TMEM132B: variants seen among roughly 807,000 people sequenced by gnomAD.
TMEM132B encodes transmembrane protein 132B.
In TMEM132B, 18 loss-of-function variants were observed where a neutral mutation model predicts 90.8. That is an observed-to-expected ratio of 0.20 (90% CI 0.14 to 0.29). The LOEUF (loss-of-function observed/expected upper bound fraction) is 0.29, where lower values mean the gene tolerates loss of function less well. Ranked by LOEUF, TMEM132B falls within the 10% of genes least tolerant of loss-of-function variation. The pLI is 1.00. For synonymous variants in TMEM132B, 504 were observed against 523.3 expected, an observed-to-expected ratio of 0.96 and a Z score of 0.50; for missense variants, 1,096 against 1,326.8, an observed-to-expected ratio of 0.83 and a Z score of 2.70.
At chr12:125,271,809 C>T (rs9739915) in intron 1 of TMEM132B, among the ~76,000 whole-genome samples, 24,209 of 151,540 alleles carry the variant, frequency 0.16, 2,500 homozygotes, top group African/African-American at 0.29. Flanking sequence ...ATATATTTGA[C>T]CATATCTACA....
At chr12:125,235,171 C>G (rs1182561516) in intron 1 of TMEM132B, among the ~76,000 whole-genome samples, 3 of 152,184 alleles carry the variant, frequency 2.0e-5, no homozygotes, top group Non-Finnish European at 4.4e-5. Flanking sequence ...GCATTTCTCA[C>G]CTTTACAATT....
chr12:125,496,601 C>T (rs898750245), intron 3 of TMEM132B, among the ~76,000 whole-genome samples: 13 of 152,082 alleles, frequency 8.5e-5, no homozygotes, highest in African/African-American at 3.1e-4. Context: ...GGGGGCAACC[C>T]AGGAGGCAAA....
chr12:125,391,915 C>T (rs190464922), intron 2 of TMEM132B, among the ~76,000 whole-genome samples: 4 of 151,920 alleles, frequency 2.6e-5, no homozygotes, highest in African/African-American at 9.7e-5. Context: ...TACAGGCACA[C>T]ACCACCACAC....
At chr12:125,457,352 T>C (rs11058181) in intron 3 of TMEM132B, among the ~76,000 whole-genome samples, 5,570 of 152,274 alleles carry the variant, frequency 0.037, 167 homozygotes, top group Admixed American at 0.1. Context: ...TAGCTCCTAA[T>C]TGGGGTGGAG....
chr12:125,511,776 C>T (rs112052555), intron 3 of TMEM132B, among the ~76,000 whole-genome samples: 1,775 of 148,062 alleles, frequency 0.012, 11 homozygotes, highest in Middle Eastern at 0.035. Flanking sequence ...GGCGTGAACC[C>T]GGGAGGCGGA....
At chr12:125,552,101 C>T (rs1022286636) in intron 4 of TMEM132B, among the ~76,000 whole-genome samples, 1 of 152,160 alleles carries the variant, frequency 6.6e-6, no homozygotes, top group Non-Finnish European at 1.5e-5. Flanking sequence ...TACTCAAGCT[C>T]ATTTAAAACA....
At chr12:125,617,732 T>G (rs916973933) in intron 5 of TMEM132B, among the ~76,000 whole-genome samples, 6 of 152,100 alleles carry the variant, frequency 3.9e-5, no homozygotes, top group Non-Finnish European at 8.8e-5. Flanking sequence ...CTTTCCAGCT[T>G]ATCCCTCTAT....
intron 1 of TMEM132B, among the ~76,000 whole-genome samples, chr12:125,271,475 TG>T (rs1423492759): frequency 6.6e-6 from 1 of 152,168 alleles, no homozygotes; most frequent in Non-Finnish European, 1.5e-5. Flanking sequence ...TCTTGACCCT[TG>T]GTATTTGTAG....
At chr12:125,616,044 C>G (rs997619605) in intron 5 of TMEM132B, among the ~76,000 whole-genome samples, 1 of 151,774 alleles carries the variant, frequency 6.6e-6, no homozygotes. Flanking sequence ...TCCATTAACT[C>G]GTCATTTAAC....
At chr12:125,555,692 A>G (rs1884364066) in intron 4 of TMEM132B, among the ~76,000 whole-genome samples, 1 of 145,616 alleles carries the variant, frequency 6.9e-6, no homozygotes. Context: ...GTGCACATGT[A>G]CCCTAGAACT....
Position 125,407,862 on chromosome 12 carries a change from A to G in TMEM132B, c.960-7669A>G, listed in dbSNP as rs1879549901. ...CCTGGCTCTGACTTACGTCCCTGTT[A>G]CAATGCACTTGCTCTGTTTTGAACT... On this transcript the variant is annotated intron_variant, in intron 2 of 8. Transcript: ENST00000682704. The surrounding 1 kb of genome is among the most constrained non-coding windows in gnomAD (Gnocchi z 6.7). Among the ~76,000 whole-genome samples, 3 of 152,216 alleles carry G rather than the reference A, an allele frequency of 2.0e-5. No individual in the cohort carries two copies.
chr12:125,387,942 CTT>C (rs1029201125), intron 2 of TMEM132B, among the ~76,000 whole-genome samples: 3 of 152,114 alleles, frequency 2.0e-5, no homozygotes, highest in Admixed American at 6.5e-5. Flanking sequence ...TGATCAGAGT[CTT>C]TGACTAGAAA....
intron 5 of TMEM132B, among the ~76,000 whole-genome samples, chr12:125,618,259 A>T (rs1266329277): frequency 1.3e-5 from 2 of 152,144 alleles, no homozygotes; most frequent in African/African-American, 4.8e-5. Flanking sequence ...TTATTCGGCC[A>T]TAGTAGTCTC....
At chr12:125,575,285 C>G (rs1268168108) in intron 4 of TMEM132B, among the ~76,000 whole-genome samples, 1 of 150,946 alleles carries the variant, frequency 6.6e-6, no homozygotes, top group South Asian at 2.1e-4. Flanking sequence ...GAAGTGGTAT[C>G]TCTTTTTGGT....
rs890238211 is a variant in TMEM132B at position 125,415,981 on chromosome 12, A to T, written c.1106+304A>T. Among the ~76,000 whole-genome samples, 1 of 152,274 alleles carries T rather than the reference A, an allele frequency of 6.6e-6. No homozygotes were observed. Among genetic ancestry groups the T allele is most frequent in the Admixed American group, 6.5e-5 (1 of 15,290 alleles). ...AGGCAAGGGGAAAATATACTTAGTA[A>T]TGAGCAAACCGAGGGTAGCTTTAGC... On this transcript the variant is annotated intron_variant, in intron 3 of 8. Transcript: ENST00000682704. This position sits in a 1 kb window ranked among gnomAD's most constrained non-coding sequence, Gnocchi z 5.3.
At chr12:125,651,473 G>T (rs528752361) in intron 7 of TMEM132B, among the ~76,000 whole-genome samples, 1 of 152,268 alleles carries the variant, frequency 6.6e-6, no homozygotes, top group Admixed American at 6.5e-5. Context: ...ATGCAGAAAT[G>T]GTGCAGAATA....
At chr12:125,397,207 G>A (rs187123971) in intron 2 of TMEM132B, among the ~76,000 whole-genome samples, 5 of 152,146 alleles carry the variant, frequency 3.3e-5, no homozygotes, top group East Asian at 3.9e-4. Flanking sequence ...TCCTGACCTC[G>A]TGATCCTCCC....
At chr12:125,230,428 T>G (rs1479219456) in intron 1 of TMEM132B, among the ~76,000 whole-genome samples, 1 of 151,894 alleles carries the variant, frequency 6.6e-6, no homozygotes, top group East Asian at 1.9e-4. Flanking sequence ...CCTGGACCCA[T>G]GCAACTGGAA....
At chr12:125,330,058 G>C (rs972580776) in intron 1 of TMEM132B, among the ~76,000 whole-genome samples, 1 of 152,238 alleles carries the variant, frequency 6.6e-6, no homozygotes, top group Non-Finnish European at 1.5e-5. Flanking sequence ...GACGATCTGT[G>C]TCACGCTGGA....
Sources: allele counts gnomAD v4.1 joint callset (sites outside exome capture counted in the v4.1 genomes callset), GRCh38; gene constraint gnomAD v4.1.1; non-coding constraint Gnocchi (gnomAD v3.1); transcripts MANE v1.5; gene names NCBI Gene and HGNC (gene_info 2026-07-23, HGNC 2026-07-21).